Variants in LHFPL3 observed in about 807,000 individuals in gnomAD.
The protein encoded by LHFPL3 is LHFPL tetraspan subfamily member 3.
Under a neutral mutation model 19.3 loss-of-function variants are expected in LHFPL3, and 5 were observed. That is an observed-to-expected ratio of 0.26 (90% confidence interval 0.14 to 0.54). LHFPL3 has a LOEUF of 0.54. Ranked by LOEUF, LHFPL3 falls within the 20% of genes least tolerant of loss-of-function variation. LHFPL3 has a pLI of 0.94. For missense variants in LHFPL3, 249 were observed against 307.4 expected (o/e 0.81, Z 1.42); for synonymous variants, 133 against 126.2 (o/e 1.05, Z -0.36).
intron 1 of LHFPL3, among the ~76,000 whole-genome samples, chr7:104,376,981 G>GT (rs1289469911): frequency 6.6e-6 from 1 of 152,144 alleles, no homozygotes; most frequent in Admixed American, 6.5e-5. Context: ...ATGAAGCTCA[G>GT]TTTTGTTGGA....
intron 1 of LHFPL3, among the ~76,000 whole-genome samples, chr7:104,525,520 C>A (rs1794169342): frequency 6.6e-6 from 1 of 152,026 alleles, no homozygotes; most frequent in Admixed American, 6.6e-5. Flanking sequence ...AAAAGAAGAG[C>A]TCAAGGAATT....
intron 1 of LHFPL3, among the ~76,000 whole-genome samples, chr7:104,563,847 G>GTATCACAGTA (rs1790067428): frequency 6.6e-6 from 1 of 152,180 alleles, no homozygotes; most frequent in Non-Finnish European, 1.5e-5. Context: ...GTGATATTCT[G>GTATCACAGTA]TTATAGTAGC....
At chr7:104,729,274 A>C (rs1793645752) in intron 1 of LHFPL3, among the ~76,000 whole-genome samples, 1 of 152,216 alleles carries the variant, frequency 6.6e-6, no homozygotes, top group South Asian at 2.1e-4. Flanking sequence ...TGGCAAACAT[A>C]TAATGGGATG....
chr7:104,431,638 A>G (rs1792005229), intron 1 of LHFPL3, among the ~76,000 whole-genome samples: 1 of 152,180 alleles, frequency 6.6e-6, no homozygotes, highest in African/African-American at 2.4e-5. Flanking sequence ...TTGGGACATC[A>G]TAAGCCTGAG....
chr7:104,885,142 G>A (rs1302837874), intron 2 of LHFPL3, among the ~76,000 whole-genome samples: 3 of 152,192 alleles, frequency 2.0e-5, no homozygotes, highest in African/African-American at 7.2e-5. Flanking sequence ...CTGAGACTTC[G>A]ATTTTATTTG....
intron 2 of LHFPL3, among the ~76,000 whole-genome samples, chr7:104,900,390 T>A (rs1216056810): frequency 6.6e-6 from 1 of 152,162 alleles, no homozygotes; most frequent in Non-Finnish European, 1.5e-5. Flanking sequence ...AAAAAACACA[T>A]GAGAAAGTGT....
chr7:104,397,731 G>A (rs762545017), intron 1 of LHFPL3, among the ~76,000 whole-genome samples: 7 of 152,212 alleles, frequency 4.6e-5, no homozygotes, highest in Non-Finnish European at 8.8e-5. Context: ...AGAAGGAAGG[G>A]GTGTGAACAA....
At chr7:104,744,003 A>G (rs1235698081) in intron 2 of LHFPL3, 1 of 151,340 alleles carries the variant, frequency 6.6e-6, no homozygotes, top group Admixed American at 6.6e-5. Flanking sequence ...ACACCCTGCA[A>G]ATTTTTTTTG....
At chr7:104,664,261 G>A (rs557194551) in intron 1 of LHFPL3, among the ~76,000 whole-genome samples, 9 of 152,098 alleles carry the variant, frequency 5.9e-5, no homozygotes, top group African/African-American at 2.2e-4. Flanking sequence ...TATACATTAG[G>A]CAGTCTTGTA....
intron 1 of LHFPL3, among the ~76,000 whole-genome samples, chr7:104,549,236 C>G (rs750081048): frequency 6.6e-6 from 1 of 152,002 alleles, no homozygotes; most frequent in Non-Finnish European, 1.5e-5. Flanking sequence ...GGCTAAGAGA[C>G]TAACTTCTCT....
chr7:104,872,383 G>A (rs936303263), intron 2 of LHFPL3, among the ~76,000 whole-genome samples: 17 of 151,576 alleles, frequency 1.1e-4, no homozygotes, highest in Non-Finnish European at 2.4e-4. Context: ...AGTGGCTCAC[G>A]CCTGTAATCC....
intron 2 of LHFPL3, among the ~76,000 whole-genome samples, chr7:104,775,416 C>A (rs1303886319): frequency 6.6e-6 from 1 of 152,188 alleles, no homozygotes; most frequent in Non-Finnish European, 1.5e-5. Context: ...TCAATCAATA[C>A]AGCTACTAAT....
intron 1 of LHFPL3, among the ~76,000 whole-genome samples, chr7:104,534,271 A>G (rs753666878): frequency 5.3e-5 from 8 of 152,214 alleles, no homozygotes; most frequent in Non-Finnish European, 1.2e-4. Flanking sequence ...CTTAAAAGAC[A>G]TAGATTTTGG....
intron 1 of LHFPL3, among the ~76,000 whole-genome samples, chr7:104,364,632 G>A (rs1015461376): frequency 2.0e-5 from 3 of 152,278 alleles, no homozygotes; most frequent in Non-Finnish European, 2.9e-5. Flanking sequence ...TAGGGTGTTA[G>A]GAGAAAGGGA....
At chr7:104,450,379 G>A (rs1792410651) in intron 1 of LHFPL3, among the ~76,000 whole-genome samples, 1 of 152,128 alleles carries the variant, frequency 6.6e-6, no homozygotes, top group South Asian at 2.1e-4. Context: ...TGGCTGCATG[G>A]CATTCCATAG....
intron 1 of LHFPL3, among the ~76,000 whole-genome samples, chr7:104,586,469 G>C (rs538537328): frequency 6.6e-6 from 1 of 151,974 alleles, no homozygotes; most frequent in Admixed American, 6.6e-5. Context: ...TATTTTTCCT[G>C]TTTAAAAAAA....
intron 1 of LHFPL3, among the ~76,000 whole-genome samples, chr7:104,562,828 CT>C (rs1163052472): frequency 6.6e-6 from 1 of 150,664 alleles, no homozygotes; most frequent in Non-Finnish European, 1.5e-5. Context: ...TACTTTTGGT[CT>C]TTGATGATGG....
Position 104,755,688 on chromosome 7 carries a change from C to CTTTG in LHFPL3, c.682+18797_682+18800dup, listed in dbSNP as rs57233807. On this transcript the variant is annotated intron_variant, in intron 2 of 2. Coordinates refer to ENST00000424859, the MANE Select transcript of LHFPL3 (RefSeq NM_199000.3). ...TTTGGTGTTTGTTTGTTGTTTGTTT[C>CTTTG]TTTGTTTGTTTGTTTGTTTGTTTTG... Among the ~76,000 whole-genome samples, 931 of 151,810 alleles carry CTTTG rather than the reference C, an allele frequency of 6.1e-3. 30 individuals are homozygous for CTTTG. The East Asian group carries it at 0.1, about 16-fold the overall frequency.
chr7:104,759,682 A>T (rs1794341821), intron 2 of LHFPL3: 1 of 152,180 alleles, frequency 6.6e-6, no homozygotes, highest in South Asian at 2.1e-4. Context: ...TTAATTTTCC[A>T]CAAATATTGA....
Sources: allele counts gnomAD v4.1 joint callset (sites outside exome capture counted in the v4.1 genomes callset), GRCh38; gene constraint gnomAD v4.1.1; transcripts MANE v1.5; gene names NCBI Gene and HGNC (gene_info 2026-07-23, HGNC 2026-07-21).